FNBP1: variants seen among roughly 807,000 people sequenced by gnomAD.
FNBP1 encodes the protein formin-binding protein 1.
Under a neutral mutation model 90.6 loss-of-function variants are expected in FNBP1, and 26 were observed. The observed-to-expected ratio is 0.29, with a 90% confidence interval of 0.21 to 0.40. The LOEUF is 0.40. Among genes scored for constraint, FNBP1 ranks in the 10% least tolerant of loss-of-function variants. The pLI is 1.00. For missense variants in FNBP1, 635 were observed against 768.0 expected, an observed-to-expected ratio of 0.83 and a Z score of 2.05; for synonymous variants, 260 against 265.2, an observed-to-expected ratio of 0.98 and a Z score of 0.19.
Position 129,973,783 on chromosome 9 carries a change from A to G in FNBP1, c.345+4682T>C, listed in dbSNP as rs373159321. On this transcript the variant is annotated intron_variant, in intron 4 of 16. Coordinates refer to ENST00000446176, the MANE Select transcript of FNBP1 (RefSeq NM_015033.3). ...CTCCCAAAGTGCTGGGATTACAGGC[A>G]TGAGCCACCGCGCCTGGCCTCTTCT... Among the ~76,000 whole-genome samples the G allele has an allele frequency of 5.5e-3, 810 of 146,234 alleles. 11 individuals carry two copies. The highest frequency in any genetic ancestry group is 0.019 in the African/African-American group (767 of 39,414).
chr9:129,972,900 A>G (rs1344983458), intron 4 of FNBP1, among the ~76,000 whole-genome samples: 1 of 152,184 alleles, frequency 6.6e-6, no homozygotes, highest in African/African-American at 2.4e-5. Context: ...ACAGCAAGAG[A>G]AACTGGATAT....
At chr9:129,929,957 C>T (rs1385370068) in intron 6 of FNBP1, among the ~76,000 whole-genome samples, 2 of 152,094 alleles carry the variant, frequency 1.3e-5, no homozygotes, top group Non-Finnish European at 2.9e-5. Flanking sequence ...TCTATACTGT[C>T]TGCACTTGGG....
At chr9:129,958,460 C>A (rs888900368) in intron 5 of FNBP1, 31 bp downstream of exon 5, 33 of 1,534,142 alleles carry the variant, frequency 2.2e-5, no homozygotes, top group Non-Finnish European at 2.7e-5. Context: ...ATCTATAAAG[C>A]CGTTTCTTTT....
chr9:130,026,237 G>A (rs1000196956), intron 1 of FNBP1, among the ~76,000 whole-genome samples: 12 of 152,170 alleles, frequency 7.9e-5, no homozygotes, highest in African/African-American at 2.6e-4. Flanking sequence ...GCTCATACCT[G>A]TAATCCCAGA....
chr9:129,902,256 A>G (rs946287234), intron 13 of FNBP1, among the ~76,000 whole-genome samples: 1 of 152,042 alleles, frequency 6.6e-6, no homozygotes, highest in Non-Finnish European at 1.5e-5. Flanking sequence ...TATACTCCCA[A>G]TTTTATTACC....
At position 129,919,757 on chromosome 9, in the gene FNBP1, A is replaced by G. The variant is rs2131791215; in HGVS notation, c.1171-3777T>C. Among the ~76,000 whole-genome samples the G allele has an allele frequency of 2.0e-5, 3 of 152,372 alleles. No individual in the cohort carries two copies. In the Middle Eastern group the frequency reaches 0.01, roughly 518 times the overall value. Reference sequence around the variant, plus strand: ...AAAGCTGCAAAACATGATAAAAGACATAATAAAATCACAGATTTGTTATTC... The same window carrying G: ...AAAGCTGCAAAACATGATAAAAGACGTAATAAAATCACAGATTTGTTATTC... On this transcript the variant is annotated intron_variant, in intron 10 of 16. Transcript: ENST00000446176.
chr9:130,021,059 A>C (rs2057783352), intron 1 of FNBP1, among the ~76,000 whole-genome samples: 1 of 152,150 alleles, frequency 6.6e-6, no homozygotes, highest in Admixed American at 6.6e-5. Context: ...AAAACGTCAA[A>C]TTGCTGGTTA....
Position 129,994,944 on chromosome 9 carries a change from G to A in FNBP1, c.39C>T (p.Asn13=), listed in dbSNP as rs1343431269. 1.9e-6 allele frequency: 3 copies of A among 1,565,832 alleles called. No individual in the cohort carries two copies. The Admixed American group carries it at 5.1e-5, about 27-fold the overall frequency. The change falls in exon 2 of 17, where the codon AAC becomes AAT. Residue 13 remains asparagine, a synonymous_variant. Coordinates refer to ENST00000446176, the MANE Select transcript of FNBP1 (RefSeq NM_015033.3). ...TTCCCCACTGTGTGTGTTTTTCTAA[G>A]TTGTCAAACTGATCCTGTTGAAACA... ...WGTELWDQFD[N]LEKHTQWGID...
intron 8 of FNBP1, 133 bp from the exon 9 acceptor site, chr9:129,925,290 A>C (rs2041704764): frequency 1.5e-6 from 1 of 664,428 alleles, no homozygotes; most frequent in East Asian, 2.6e-5. Context: ...GTGGATCACG[A>C]GGTCAGGAGA....
chr9:130,017,886 T>TTTC (rs1274268692), intron 1 of FNBP1, among the ~76,000 whole-genome samples: 1 of 150,686 alleles, frequency 6.6e-6, no homozygotes, highest in East Asian at 1.9e-4. Context: ...TTTTTTTTTT[T>TTTC]TTTTTTACCT....
intron 16 of FNBP1, chr9:129,895,431 C>T: frequency 2.7e-6 from 3 of 1,107,184 alleles, no homozygotes; most frequent in Non-Finnish European, 3.3e-6. Flanking sequence ...ATGGTGGATA[C>T]TAGATATAAA....
intron 10 of FNBP1, among the ~76,000 whole-genome samples, chr9:129,917,254 C>T (rs553650693): frequency 6.6e-6 from 1 of 152,068 alleles, no homozygotes; most frequent in African/African-American, 2.4e-5. Flanking sequence ...CCTCGTGATC[C>T]GCCCGCCTCC....
chr9:130,045,397 T>C (rs1313446608), upstream of FNBP1, among the ~76,000 whole-genome samples: 7 of 152,176 alleles, frequency 4.6e-5, no homozygotes. Context: ...GACTTTTTAG[T>C]CAAATACAAT....
rs79827775 is a variant in FNBP1 at position 129,901,133 on chromosome 9, G to A, written c.1429-586C>T. 5.4e-4 allele frequency among the ~76,000 whole-genome samples: 83 copies of A among 152,328 alleles called. 2 individuals are homozygous for A. In the East Asian group the frequency reaches 0.01, roughly 19 times the overall value. Reference sequence around the variant, plus strand: ...AATAAAAATGACGAGAAGGCCGGGCGCGGTGGCCACACCTGTAATCCCAGC... The same window carrying A: ...AATAAAAATGACGAGAAGGCCGGGCACGGTGGCCACACCTGTAATCCCAGC... On this transcript the variant is annotated intron_variant, in intron 13 of 16. Transcript: ENST00000446176.
At chr9:129,895,482 G>A (rs922931106) in intron 16 of FNBP1, 3 of 1,156,606 alleles carry the variant, frequency 2.6e-6, no homozygotes, top group Non-Finnish European at 3.2e-6. Flanking sequence ...GATGCGTGCC[G>A]GCTTTTAAAT....
At chr9:129,947,705 C>A (rs2045544598) in intron 6 of FNBP1, among the ~76,000 whole-genome samples, 1 of 151,552 alleles carries the variant, frequency 6.6e-6, no homozygotes, top group South Asian at 2.1e-4. Context: ...TCACTGCAAC[C>A]TCTGCCTCCC....
chr9:129,924,797 T>C (rs2041633718), intron 9 of FNBP1, among the ~76,000 whole-genome samples, 163 bp downstream of exon 9: 1 of 152,112 alleles, frequency 6.6e-6, no homozygotes, highest in African/African-American at 2.4e-5. Context: ...ATGGCAAAGA[T>C]ACCACCACCA....
At chr9:130,019,576 A>C (rs2057603161) in intron 1 of FNBP1, among the ~76,000 whole-genome samples, 2 of 152,192 alleles carry the variant, frequency 1.3e-5, no homozygotes, top group Admixed American at 1.3e-4. Flanking sequence ...TCCATCTGGA[A>C]CCAAAATCTG....
rs897562798 is a variant in FNBP1 at position 129,889,789 on chromosome 9, A to G, written c.*750T>C. 4.3e-6 allele frequency: 1 copy of G among 232,538 alleles called. No homozygotes were observed. Among genetic ancestry groups the G allele is most frequent in the Non-Finnish European group, 8.5e-6 (1 of 117,566 alleles). 14.4% of individuals were successfully genotyped at this position (232,538 alleles called of 1,614,324 possible). ...GGCCGGTGGACACAGGCGAGTCAAC[A>G]AGGCGAGCTGGAATTCGACTTCCAG... is the stretch of plus-strand genomic sequence containing the variant. On this transcript the variant is annotated 3_prime_UTR_variant, in exon 17 of 17. Transcript: ENST00000446176.
Sources: allele counts gnomAD v4.1 joint callset (sites outside exome capture counted in the v4.1 genomes callset), GRCh38; gene constraint gnomAD v4.1.1; transcripts MANE v1.5; gene names NCBI Gene and HGNC (gene_info 2026-07-23, HGNC 2026-07-21).